Variants in RUNX1 observed in about 807,000 individuals in gnomAD.
RUNX1 encodes RUNX family transcription factor 1, also known as runt-related transcription factor 1.
Under a neutral mutation model 42.8 loss-of-function variants are expected in RUNX1, and 19 were observed. The observed-to-expected ratio is 0.44, with a 90% CI of 0.31 to 0.65. RUNX1 has a LOEUF of 0.65. RUNX1 is among the 30% of genes least tolerant of loss of function. The probability of loss-of-function intolerance (pLI) is 0.07; values close to 1 mark genes in which losing one functional copy is unlikely to be tolerated. For synonymous variants in RUNX1, 271 were observed against 289.4 expected (o/e 0.94, Z 0.64); for missense variants, 528 against 672.0 (o/e 0.79, Z 2.37).
At chr21:34,864,795 G>A (rs2057633348) in intron 5 of RUNX1, among the ~76,000 whole-genome samples, 4 of 152,166 alleles carry the variant, frequency 2.6e-5, no homozygotes, top group South Asian at 2.1e-4. Context: ...AGCACCAAAC[G>A]ACACTCATAC....
At position 35,048,537 on chromosome 21, in the gene RUNX1, A is replaced by G. The variant is rs182091601; in HGVS notation, c.58+305T>C. On this transcript the variant is annotated intron_variant, in intron 2 of 8. Coordinates refer to ENST00000675419, the MANE Select transcript of RUNX1 (RefSeq NM_001754.5). ...ACCCAGGGAGCTTCGTGCAAGCTTC[A>G]TAATCTCTAAGCCTTTAAACAAGAC... Among the ~76,000 whole-genome samples, 4 of 152,376 alleles carry G rather than the reference A, an allele frequency of 2.6e-5. No individual in the cohort carries two copies. In the East Asian group the frequency reaches 7.7e-4, roughly 29 times the overall value.
At chr21:35,023,835 C>T (rs2059216766) in intron 2 of RUNX1, among the ~76,000 whole-genome samples, 1 of 151,796 alleles carries the variant, frequency 6.6e-6, no homozygotes, top group Non-Finnish European at 1.5e-5. Flanking sequence ...TCTGTGGGTA[C>T]CAGTTTTATG....
chr21:34,946,695 G>A (rs1041277765), intron 2 of RUNX1, among the ~76,000 whole-genome samples: 23 of 152,300 alleles, frequency 1.5e-4, no homozygotes, highest in African/African-American at 5.5e-4. Context: ...TTTGCAAGCT[G>A]AGTGTACAAG....
chr21:34,816,427 C>CGGT (rs781140769), intron 7 of RUNX1, among the ~76,000 whole-genome samples: 5 of 152,060 alleles, frequency 3.3e-5, no homozygotes, highest in Non-Finnish European at 7.4e-5. Flanking sequence ...GATGGCATCT[C>CGGT]GGTGGTGGTG....
At chr21:35,011,412 A>G (rs1377547508) in intron 2 of RUNX1, among the ~76,000 whole-genome samples, 1 of 152,152 alleles carries the variant, frequency 6.6e-6, no homozygotes, top group African/African-American at 2.4e-5. Context: ...CACTTGGGAT[A>G]AAGTAAAGGT....
Position 35,049,206 on chromosome 21 carries a change from C to T in RUNX1, c.-98G>A, listed in dbSNP as rs1289545143. 4 of 405,268 alleles carry T rather than the reference C, an allele frequency of 9.9e-6. No homozygotes were observed. The highest frequency in any genetic ancestry group is 1.8e-5 in the Non-Finnish European group (4 of 218,536). 25.1% of individuals were successfully genotyped at this position (405,268 alleles called of 1,614,324 possible). ...CCTGTGGTTTGCATTCAGTGTGATTCGTCCTGCCTGCTGACCACTATGCTG... is the reference window on the plus strand; with the variant it reads ...CCTGTGGTTTGCATTCAGTGTGATTTGTCCTGCCTGCTGACCACTATGCTG... On this transcript the variant is annotated 5_prime_UTR_variant, in exon 1 of 9. Transcript: ENST00000675419.
At position 34,982,754 on chromosome 21, in the gene RUNX1, G is replaced by A. The variant is rs565809215; in HGVS notation, c.58+66088C>T. Among the ~76,000 whole-genome samples, 608 of 152,200 alleles carry A rather than the reference G, an allele frequency of 4.0e-3. 4 individuals carry two copies. The highest frequency in any genetic ancestry group is 7.4e-3 in the Non-Finnish European group (502 of 68,016). ...CCAGCTAATTTTTGTATTTTTAGTA[G>A]AGACGGGGTTTCACCATGTTGGTCA... is the stretch of plus-strand genomic sequence containing the variant. On this transcript the variant is annotated intron_variant, in intron 2 of 8. Coordinates refer to ENST00000675419, the MANE Select transcript of RUNX1 (RefSeq NM_001754.5).
intron 2 of RUNX1, among the ~76,000 whole-genome samples, chr21:34,911,338 G>A (rs773275646): frequency 6.6e-6 from 1 of 152,176 alleles, no homozygotes; most frequent in African/African-American, 2.4e-5. Flanking sequence ...TGCCACCTGC[G>A]TCTATTACCA....
At chr21:34,978,604 G>T (rs1601629730) in intron 2 of RUNX1, among the ~76,000 whole-genome samples, 1 of 152,070 alleles carries the variant, frequency 6.6e-6, no homozygotes, top group East Asian at 1.9e-4. Context: ...CTTGTCTACT[G>T]CAGCTTCACA....
At chr21:34,973,865 T>TA (rs2058780285) in intron 2 of RUNX1, among the ~76,000 whole-genome samples, 1 of 152,218 alleles carries the variant, frequency 6.6e-6, no homozygotes, top group South Asian at 2.1e-4. Context: ...GCATCGCTGA[T>TA]ATGATGGCTT....
chr21:34,953,491 A>T (rs1238595870), intron 2 of RUNX1, among the ~76,000 whole-genome samples: 1 of 152,162 alleles, frequency 6.6e-6, no homozygotes, highest in Admixed American at 6.5e-5. Flanking sequence ...GCCACAAAAC[A>T]TCATTGTGAA....
At position 34,834,595 on chromosome 21, in the gene RUNX1, C is replaced by T. The variant is rs1229231012; in HGVS notation, c.620G>A (p.Arg207Gln). Reference protein sequence around the residue: ...VDGPREPRRHRQKLDDQTKPG... With the variant: ...VDGPREPRRHQQKLDDQTKPG... Reference sequence around the variant, plus strand: ...CTTGGTCTGATCATCTAGTTTCTGCCGATGTCCTATTGTGGGGAGCAGGGA... The same window carrying T: ...CTTGGTCTGATCATCTAGTTTCTGCTGATGTCCTATTGTGGGGAGCAGGGA... The change falls in exon 7 of 9, where the codon CGG becomes CAG. Residue 207 changes from arginine (R) to glutamine (Q), a missense_variant. This residue lies in a region of RUNX1 where 83 missense variants were observed against 174.5 expected (regional missense o/e 0.48). Coordinates refer to ENST00000675419, the MANE Select transcript of RUNX1 (RefSeq NM_001754.5). 5.9e-6 allele frequency: 9 copies of T among 1,526,610 alleles called. No individual in the cohort carries two copies. The highest frequency in any genetic ancestry group is 7.1e-6 in the Non-Finnish European group (8 of 1,127,048). 94.6% of individuals were successfully genotyped at this position (1,526,610 alleles called of 1,614,324 possible).
chr21:35,041,996 T>TG (rs903154233), intron 2 of RUNX1, among the ~76,000 whole-genome samples: 3 of 152,018 alleles, frequency 2.0e-5, no homozygotes, highest in African/African-American at 7.3e-5. Flanking sequence ...GTGAGGAAGA[T>TG]GGGGGGCGGG....
chr21:35,024,988 AAAGT>A (rs1185493248), intron 2 of RUNX1, among the ~76,000 whole-genome samples: 4 of 152,238 alleles, frequency 2.6e-5, no homozygotes, highest in Non-Finnish European at 4.4e-5. Flanking sequence ...GTGTGATTTA[AAAGT>A]AAGGAGGATT....
chr21:34,850,565 T>C (rs56963816), intron 6 of RUNX1, among the ~76,000 whole-genome samples: 52,659 of 152,004 alleles, frequency 0.35, 9,389 homozygotes, highest in East Asian at 0.52. Flanking sequence ...ACAGGACCCA[T>C]GTGTTAGATC....
chr21:34,889,943 G>T, intron 3 of RUNX1: 1 of 766,678 alleles, frequency 1.3e-6, no homozygotes, highest in Non-Finnish European at 1.6e-6. Flanking sequence ...GTTCCACCGC[G>T]GGCTGCTTTG....
chr21:35,043,995 T>A (rs2059378828), intron 2 of RUNX1, among the ~76,000 whole-genome samples: 1 of 152,232 alleles, frequency 6.6e-6, no homozygotes, highest in Non-Finnish European at 1.5e-5. Context: ...GACATCTCTG[T>A]TGTCCTTGTG....
intron 2 of RUNX1, among the ~76,000 whole-genome samples, chr21:35,045,190 T>C (rs2059387286): frequency 6.7e-6 from 1 of 149,764 alleles, no homozygotes; most frequent in African/African-American, 2.4e-5. Context: ...TAGATAGTTT[T>C]ATCACACCTT....
At chr21:34,979,437 A>G (rs2058830386) in intron 2 of RUNX1, among the ~76,000 whole-genome samples, 1 of 152,170 alleles carries the variant, frequency 6.6e-6, no homozygotes, top group Non-Finnish European at 1.5e-5. Context: ...ATCTTTCCAT[A>G]GGTATTTTAT....
Sources: allele counts gnomAD v4.1 joint callset (sites outside exome capture counted in the v4.1 genomes callset), GRCh38; gene constraint gnomAD v4.1.1; regional missense constraint gnomAD v4.1.1; transcripts MANE v1.5; gene names NCBI Gene and HGNC (gene_info 2026-07-23, HGNC 2026-07-21).